Variants in INHBC observed in about 807,000 individuals in gnomAD.
INHBC encodes the protein inhibin subunit beta C.
In INHBC, 10 loss-of-function variants were observed where a neutral mutation model predicts 12.4. The ratio of observed to expected loss-of-function variants is 0.81; its 90% CI spans 0.50 to 1.37. INHBC has a LOEUF of 1.37. INHBC is among the 40% of genes most tolerant of loss of function. The pLI, the probability that INHBC is intolerant of heterozygous loss-of-function variation, is 0.00. For synonymous variants in INHBC, 147 were observed against 171.6 expected (o/e 0.86, Z 1.12); for missense variants, 382 against 439.4 (o/e 0.87, Z 1.17).
intron 1 of INHBC, among the ~76,000 whole-genome samples, chr12:57,439,238 G>C (rs902419282): frequency 7.2e-5 from 11 of 152,170 alleles, no homozygotes; most frequent in Non-Finnish European, 1.2e-4. Context: ...AGATATTCCT[G>C]TTCAAAATGG....
rs1297923516 is a variant in INHBC, at chr12:57,451,419, G to A, written c.*1397G>A. Among the ~76,000 whole-genome samples, 6 of 152,212 alleles carry A rather than the reference G, an allele frequency of 3.9e-5. No individual in the cohort carries two copies. Among genetic ancestry groups the A allele is most frequent in the East Asian group, 1.9e-4 (1 of 5,198 alleles). ...GAATGGGCAAGGGCTGCTGGAGTGG[G>A]ACAGGGAGAAGAGGAAGGCCTGGAT... On this transcript the variant is annotated 3_prime_UTR_variant, in exon 2 of 2. Transcript: ENST00000309668.
At chr12:57,437,118 G>T (rs1260703337) in intron 1 of INHBC, among the ~76,000 whole-genome samples, 1 of 152,108 alleles carries the variant, frequency 6.6e-6, no homozygotes, top group Non-Finnish European at 1.5e-5. Context: ...GGGTGCGGTG[G>T]AGTGCACCTG....
At chr12:57,448,266 C>T (rs1870632720) in intron 1 of INHBC, among the ~76,000 whole-genome samples, 1 of 151,892 alleles carries the variant, frequency 6.6e-6, no homozygotes, top group Non-Finnish European at 1.5e-5. Flanking sequence ...TTGGGAATCA[C>T]CAACATAAAA....
chr12:57,441,499 T>G (rs1594727428), intron 1 of INHBC, among the ~76,000 whole-genome samples: 1 of 140,362 alleles, frequency 7.1e-6, no homozygotes, highest in Non-Finnish European at 1.5e-5. Flanking sequence ...CACTTCAGCC[T>G]GGGCAATAAG....
chr12:57,435,168 G>A lies in INHBC; in HGVS notation c.282G>A (p.Gln94=), dbSNP rs936129723. 6.2e-7 allele frequency: 1 copy of A among 1,613,198 alleles called. No individual in the cohort carries two copies. The highest frequency in any genetic ancestry group is 8.5e-7 in the Non-Finnish European group (1 of 1,179,356). Residue 94 remains glutamine (Q), a synonymous_variant, in exon 1 of 2, where the codon CAG becomes CAA. Coordinates refer to ENST00000309668, the MANE Select transcript of INHBC (RefSeq NM_005538.4). ...CACTTCTAGAGGACAACAGGGAACA[G>A]GAATGTGAAATCATCAGCTTTGCTG... is the stretch of plus-strand genomic sequence containing the variant. The part of the protein sequence containing the change: ...QGALLEDNRE[Q]ECEIISFAET...
At chr12:57,436,473 CTTT>C (rs71084754) in intron 1 of INHBC, among the ~76,000 whole-genome samples, 7 of 104,754 alleles carry the variant, frequency 6.7e-5, no homozygotes, top group Admixed American at 1.1e-4. Context: ...TTTTCTTTTT[CTTT>C]TTTTTTTTTT....
chr12:57,439,053 T>C (rs1005680619), intron 1 of INHBC, among the ~76,000 whole-genome samples: 6 of 152,206 alleles, frequency 3.9e-5, no homozygotes, highest in African/African-American at 1.4e-4. Flanking sequence ...GTGGGCGAAT[T>C]TGTAGTCTTA....
chr12:57,451,496 C>T lies in INHBC; in HGVS notation c.*1474C>T, dbSNP rs918560903. Among the ~76,000 whole-genome samples, 3 of 152,148 alleles carry T rather than the reference C, an allele frequency of 2.0e-5. No homozygotes were observed. Among genetic ancestry groups the T allele is most frequent in the Admixed American group, 6.5e-5 (1 of 15,280 alleles). On this transcript the variant is annotated 3_prime_UTR_variant, in exon 2 of 2. Coordinates refer to ENST00000309668, the MANE Select transcript of INHBC (RefSeq NM_005538.4). ...ACTGGGTCCTTTTTAGACCTTTGCC[C>T]GTCCTCCCCCACATCTCCTCCCTTT...
chr12:57,448,657 C>A (rs1870640509), intron 1 of INHBC, among the ~76,000 whole-genome samples: 1 of 151,134 alleles, frequency 6.6e-6, no homozygotes, highest in South Asian at 2.1e-4. Context: ...AATGAAAGTC[C>A]AAGACAGACC....
In INHBC at chr12:57,450,072, A is replaced by G. The variant is rs745997549; in HGVS notation, c.*50A>G. The G allele has an allele frequency of 2.7e-6, 4 of 1,462,888 alleles. No homozygotes were observed. Among genetic ancestry groups the G allele is most frequent in the Admixed American group, 4.9e-5 (2 of 40,610 alleles). The allele number at this position is 1,462,888 out of a possible 1,614,324, so 90.6% of individuals were successfully genotyped here. A position where few individuals can be genotyped will look rare whatever the true frequency, so the allele number is the denominator to read the frequency against. On this transcript the variant is annotated 3_prime_UTR_variant, in exon 2 of 2. Transcript: ENST00000309668. Reference sequence around the variant, plus strand: ...AGGTTGCATGGGAAAACACGCCCCTACAGAAGTGCACTTCCTTGAGAGGAG... The same window carrying G: ...AGGTTGCATGGGAAAACACGCCCCTGCAGAAGTGCACTTCCTTGAGAGGAG...
chr12:57,435,071 C>T lies in INHBC; in HGVS notation c.185C>T (p.Thr62Ile). 6.2e-7 allele frequency: 1 copy of T among 1,614,198 alleles called. No homozygotes were observed. The highest frequency in any genetic ancestry group is 8.5e-7 in the Non-Finnish European group (1 of 1,180,048). ...LDKLHLTQRP[T>I]LNRPVSRAAL... ...AAGCTGCACCTCACCCAGCGCCCAA[C>T]ACTGAACCGCCCTGTGTCCAGAGCT... is the stretch of plus-strand genomic sequence containing the variant. Residue 62 changes from threonine to isoleucine, a missense_variant, in exon 1 of 2, where the codon ACA (threonine) becomes ATA (isoleucine). Transcript: ENST00000309668.
Position 57,434,864 on chromosome 12 carries a change from C to T in INHBC, c.-23C>T, listed in dbSNP as rs1870295546. The T allele has an allele frequency of 1.9e-6, 3 of 1,591,000 alleles. 1 individual carries two copies. The highest frequency in any genetic ancestry group is 3.4e-5 in the Admixed American group (2 of 58,916). ...GACCCTGAGCCCTGAGTCTGTATTG[C>T]TCAAGAAGGGCCTTCCCCAGCAATG... On this transcript the variant is annotated 5_prime_UTR_variant, in exon 1 of 2. Transcript: ENST00000309668.
intron 1 of INHBC, among the ~76,000 whole-genome samples, chr12:57,435,618 T>C (rs2139828905): frequency 6.6e-6 from 1 of 151,690 alleles, no homozygotes; most frequent in African/African-American, 2.4e-5. Context: ...CTCATTTGAG[T>C]AAAAGAAGAA....
Sources: allele counts gnomAD v4.1 joint callset (sites outside exome capture counted in the v4.1 genomes callset), GRCh38; gene constraint gnomAD v4.1.1; transcripts MANE v1.5; gene names NCBI Gene and HGNC (gene_info 2026-07-23, HGNC 2026-07-21).